Variants in TAFA1 observed in about 807,000 individuals in gnomAD.
The protein encoded by TAFA1 is TAFA chemokine like family member 1.
TAFA1 carries 4 observed loss-of-function variants against 18.5 expected under a neutral mutation model. The ratio of observed to expected loss-of-function variants is 0.22; its 90% CI spans 0.11 to 0.49. The LOEUF is 0.49. Among genes scored for constraint, TAFA1 ranks in the 20% least tolerant of loss-of-function variants. The probability of loss-of-function intolerance (pLI) is 0.98; values close to 1 mark genes in which losing one functional copy is unlikely to be tolerated. For missense variants in TAFA1, 147 were observed against 169.0 expected (o/e 0.87, Z 0.72); for synonymous variants, 56 against 55.2 (o/e 1.01, Z -0.06).
At chr3:68,441,119 T>C (rs2071370549) in intron 3 of TAFA1, among the ~76,000 whole-genome samples, 1 of 152,190 alleles carries the variant, frequency 6.6e-6, no homozygotes, top group South Asian at 2.1e-4. Flanking sequence ...CAAGGCCTAG[T>C]GGGCCTATTT....
chr3:68,293,042 T>TA (rs764226977), intron 2 of TAFA1, among the ~76,000 whole-genome samples: 6 of 98,404 alleles, frequency 6.1e-5, no homozygotes, highest in South Asian at 6.9e-4. Context: ...AAGGATGACT[T>TA]TAAAAAAAAA....
At chr3:68,204,458 G>C (rs1051925119) in intron 2 of TAFA1, among the ~76,000 whole-genome samples, 26 of 143,266 alleles carry the variant, frequency 1.8e-4, no homozygotes, top group Non-Finnish European at 2.2e-4. Context: ...AAAAGTGATT[G>C]ATTGTTCTTC....
At chr3:68,408,037 G>C (rs1214078952) in intron 2 of TAFA1, among the ~76,000 whole-genome samples, 1 of 152,018 alleles carries the variant, frequency 6.6e-6, no homozygotes, top group Non-Finnish European at 1.5e-5. Flanking sequence ...ATGCATTTCT[G>C]ACATCCACTA....
At chr3:67,996,982 A>T in the TAFA1 span, among the ~76,000 whole-genome samples, 1 of 151,882 alleles carries the variant, frequency 6.6e-6, no homozygotes, top group African/African-American at 2.4e-5. Context: ...AGTGTAGAGG[A>T]GGGATCTCTA....
At chr3:68,022,852 A>G (rs1375715682) in intron 2 of TAFA1, among the ~76,000 whole-genome samples, 3 of 142,850 alleles carry the variant, frequency 2.1e-5, no homozygotes, top group Non-Finnish European at 4.5e-5. Flanking sequence ...TTATATATAT[A>G]TATATATAAA....
At chr3:68,230,474 G>C (rs1212812991) in intron 2 of TAFA1, among the ~76,000 whole-genome samples, 1 of 152,116 alleles carries the variant, frequency 6.6e-6, no homozygotes, top group African/African-American at 2.4e-5. Flanking sequence ...TGGCTGAATA[G>C]TATTTCATTG....
At chr3:68,532,283 G>T (rs2073199114) in intron 3 of TAFA1, among the ~76,000 whole-genome samples, 1 of 152,140 alleles carries the variant, frequency 6.6e-6, no homozygotes, top group Non-Finnish European at 1.5e-5. Flanking sequence ...AAATGGCAGA[G>T]GCAAAACCTG....
chr3:68,011,052 G>C (rs1428559518), intron 2 of TAFA1, among the ~76,000 whole-genome samples: 1 of 135,532 alleles, frequency 7.4e-6, no homozygotes, highest in Non-Finnish European at 1.5e-5. Flanking sequence ...TCTGTTTTAG[G>C]ATGAGTTTTT....
chr3:68,142,283 A>T (rs2065676216), intron 2 of TAFA1, among the ~76,000 whole-genome samples: 1 of 152,236 alleles, frequency 6.6e-6, no homozygotes, highest in South Asian at 2.1e-4. Context: ...AACTTGGAGA[A>T]GTTAAAGTGC....
intron 2 of TAFA1, among the ~76,000 whole-genome samples, chr3:68,185,376 AG>A (rs544059165): frequency 5.3e-5 from 8 of 152,184 alleles, no homozygotes; most frequent in Admixed American, 1.3e-4. Context: ...GTGGTATGTA[AG>A]GAGGTAGAAG....
At chr3:68,485,047 A>T (rs2106665958) in intron 3 of TAFA1, among the ~76,000 whole-genome samples, 1 of 152,128 alleles carries the variant, frequency 6.6e-6, no homozygotes, top group East Asian at 1.9e-4. Context: ...AATTTTAAGG[A>T]GGTGGATGTG....
intron 2 of TAFA1, among the ~76,000 whole-genome samples, chr3:68,382,530 G>T (rs761190004): frequency 6.6e-6 from 1 of 151,964 alleles, no homozygotes; most frequent in Non-Finnish European, 1.5e-5. Flanking sequence ...GATTATTATC[G>T]TTATGGGGCC....
In TAFA1 at chr3:68,253,914, G is replaced by A. The variant is rs115603249; in HGVS notation, c.119-163366G>A. 4.8e-3 allele frequency among the ~76,000 whole-genome samples: 737 copies of A among 152,260 alleles called. 3 individuals carry two copies. The highest frequency in any genetic ancestry group is 0.017 in the African/African-American group (700 of 41,546). ...TGTGTGACATTAGTTTCAGATTGAAGGTCATTATCATGTGGCAACTGGGTT... is the reference window on the plus strand; with the variant it reads ...TGTGTGACATTAGTTTCAGATTGAAAGTCATTATCATGTGGCAACTGGGTT... On this transcript the variant is annotated intron_variant, in intron 2 of 4. Transcript: ENST00000478136.
intron 2 of TAFA1, among the ~76,000 whole-genome samples, chr3:68,187,347 T>C (rs1039641359): frequency 6.6e-6 from 1 of 152,012 alleles, no homozygotes; most frequent in Non-Finnish European, 1.5e-5. Context: ...TTGTCAGACT[T>C]AGATGGCTTT....
chr3:68,046,275 A>C (rs1008295997), intron 2 of TAFA1, among the ~76,000 whole-genome samples: 1 of 152,320 alleles, frequency 6.6e-6, no homozygotes, highest in East Asian at 1.9e-4. Context: ...GCCTATATTG[A>C]TAAGGTTATA....
At chr3:68,123,774 A>G (rs1039386532) in intron 2 of TAFA1, among the ~76,000 whole-genome samples, 1 of 148,982 alleles carries the variant, frequency 6.7e-6, no homozygotes, top group African/African-American at 2.5e-5. Context: ...TAAACTGGTT[A>G]TTTGTCCCAC....
chr3:68,361,387 G>A (rs2069465191), intron 2 of TAFA1, among the ~76,000 whole-genome samples: 1 of 151,928 alleles, frequency 6.6e-6, no homozygotes, highest in South Asian at 2.1e-4. Context: ...GGTGGTTAGT[G>A]GGTACAAACA....
intron 2 of TAFA1, among the ~76,000 whole-genome samples, chr3:68,164,352 G>C (rs2065958992): frequency 6.6e-6 from 1 of 152,138 alleles, no homozygotes. Flanking sequence ...ATTCTGAAAA[G>C]GGCCTTTAAG....
At chr3:68,078,048 A>G (rs1049653181) in intron 2 of TAFA1, among the ~76,000 whole-genome samples, 1 of 151,794 alleles carries the variant, frequency 6.6e-6, no homozygotes, top group African/African-American at 2.4e-5. Flanking sequence ...CTGGATTCCT[A>G]GGTATTTTAT....
Sources: allele counts gnomAD v4.1 joint callset (sites outside exome capture counted in the v4.1 genomes callset), GRCh38; gene constraint gnomAD v4.1.1; transcripts MANE v1.5; gene names NCBI Gene and HGNC (gene_info 2026-07-23, HGNC 2026-07-21).